The following RYR2 variants were observed in gnomAD, a reference collection of about 807,000 sequenced individuals.
The protein encoded by RYR2 is ryanodine receptor 2.
RYR2 carries 227 observed loss-of-function variants against 601.1 expected under a neutral mutation model. The observed-to-expected ratio is 0.38, with a 90% CI of 0.34 to 0.42. RYR2 has a LOEUF of 0.42. RYR2 is among the 10% of genes least tolerant of loss of function. The pLI is 1.00. For missense variants in RYR2, 4,646 were observed against 6,156.5 expected, an observed-to-expected ratio of 0.75 and a Z score of 8.21; for synonymous variants, 2,223 against 2,175.1, an observed-to-expected ratio of 1.02 and a Z score of -0.61.
chr1:237,393,195 A>G (rs959648671), intron 10 of RYR2, among the ~76,000 whole-genome samples: 3 of 152,134 alleles, frequency 2.0e-5, no homozygotes, highest in African/African-American at 7.2e-5. Flanking sequence ...CTCTTGGCAT[A>G]TGCTTGCTGT....
chr1:237,685,022 C>T (rs761924835), intron 62 of RYR2, among the ~76,000 whole-genome samples: 5 of 151,790 alleles, frequency 3.3e-5, no homozygotes, highest in Non-Finnish European at 5.9e-5. Context: ...GTTGACAGAA[C>T]TCCAAAAAAG....
At position 237,569,469 on chromosome 1, in the gene RYR2, T is replaced by C. The variant is rs553647377; in HGVS notation, c.3598+150T>C. 1.3e-5 allele frequency: 9 copies of C among 684,008 alleles called. No homozygotes were observed. In the South Asian group the frequency reaches 1.7e-4, roughly 13 times the overall value. 42.4% of individuals were successfully genotyped at this position (684,008 alleles called of 1,614,324 possible). ...TGAGGGTGCCTTGTGACTGACTTGA[T>C]CAGATGCCCTTGAAATAACATTATT... On this transcript the variant is annotated intron_variant, in intron 29 of 104. Transcript: ENST00000366574.
At chr1:237,498,899 A>C (rs941868806) in intron 20 of RYR2, among the ~76,000 whole-genome samples, 5 of 152,234 alleles carry the variant, frequency 3.3e-5, no homozygotes, top group African/African-American at 1.2e-4. Flanking sequence ...AATACGTATC[A>C]TATCAGGCCT....
chr1:237,239,195 C>T (rs1368593717), intron 1 of RYR2, among the ~76,000 whole-genome samples: 1 of 151,972 alleles, frequency 6.6e-6, no homozygotes, highest in East Asian at 1.9e-4. Context: ...GTGGAGTGCC[C>T]AGGCTTTTGA....
intron 88 of RYR2, 71 bp downstream of exon 88, chr1:237,778,841 A>G (rs1400856356): frequency 2.7e-6 from 2 of 738,258 alleles, no homozygotes; most frequent in Non-Finnish European, 4.9e-6. Context: ...CAAATTAAAC[A>G]TGCTTTTTGA....
chr1:237,049,645 GC>G (rs764571778), intron 1 of RYR2, among the ~76,000 whole-genome samples: 1 of 152,140 alleles, frequency 6.6e-6, no homozygotes, highest in African/African-American at 2.4e-5. Context: ...TGGATTACAG[GC>G]CCTGAAAGCT....
At chr1:237,145,024 C>T (rs1018081718) in intron 1 of RYR2, among the ~76,000 whole-genome samples, 6 of 150,572 alleles carry the variant, frequency 4.0e-5, no homozygotes, top group Admixed American at 6.6e-5. Context: ...ACAATGAGAA[C>T]GCATGGACAC....
At position 237,072,615 on chromosome 1, in the gene RYR2, T is replaced by C. The variant is rs181452225; in HGVS notation, c.48+30046T>C. Among the ~76,000 whole-genome samples, 14 of 152,266 alleles carry C rather than the reference T, an allele frequency of 9.2e-5. No individual in the cohort carries two copies. The East Asian group carries it at 2.3e-3, about 25-fold the overall frequency. On this transcript the variant is annotated intron_variant, in intron 1 of 104. Coordinates refer to ENST00000366574, the MANE Select transcript of RYR2 (RefSeq NM_001035.3). ...CACATAAAATGGATTTGGAAACTCG[T>C]ATTTAATCTTAAAAAAAATCTTTTA...
chr1:237,784,695 C>T lies in RYR2; in HGVS notation c.12983C>T (p.Ala4328Val), dbSNP rs752684165. 3.1e-6 allele frequency: 5 copies of T among 1,609,944 alleles called. No homozygotes were observed. Among genetic ancestry groups the T allele is most frequent in the Non-Finnish European group, 4.2e-6 (5 of 1,177,414 alleles). Reference protein sequence around the residue: ...LVEGAKKIKVAELLANMPDPT... With the variant: ...LVEGAKKIKVVELLANMPDPT... ...GAAGGTGCTAAAAAGATCAAAGTTG[C>T]AGAACTGTTAGCCAACATGCCAGAC... The change falls in exon 90 of 105, where the codon GCA becomes GTA. Residue 4328 changes from alanine (A) to valine (V), a missense_variant. This residue lies in a region of RYR2 where 364 missense variants were observed against 442.9 expected (regional missense o/e 0.82). Coordinates refer to ENST00000366574, the MANE Select transcript of RYR2 (RefSeq NM_001035.3). This position sits in a 1 kb window ranked among gnomAD's most constrained non-coding sequence, Gnocchi z 7.1.
chr1:237,511,889 T>G (rs886706340), intron 24 of RYR2, 98 bp downstream of exon 24: 33 of 755,144 alleles, frequency 4.4e-5, no homozygotes, highest in Non-Finnish European at 6.2e-5. Context: ...TTAATTGAGC[T>G]GTGAAGTGAT....
intron 1 of RYR2, among the ~76,000 whole-genome samples, chr1:237,057,608 TC>T (rs1171482290): frequency 6.6e-6 from 1 of 152,032 alleles, no homozygotes; most frequent in African/African-American, 2.4e-5. Context: ...ATATAGACAA[TC>T]TTTTCACCCC....
At chr1:237,772,676 A>T (rs895013668) in intron 86 of RYR2, among the ~76,000 whole-genome samples, 1 of 152,148 alleles carries the variant, frequency 6.6e-6, no homozygotes, top group Non-Finnish European at 1.5e-5. Context: ...CATTTTATTT[A>T]TAAGCTAAAC....
chr1:237,738,307 C>T (rs10925501), intron 79 of RYR2, among the ~76,000 whole-genome samples: 71,766 of 152,030 alleles, frequency 0.47, 17,769 homozygotes, highest in East Asian at 0.66. Flanking sequence ...TACACAGTCA[C>T]TGTTAGTCCA....
At chr1:237,573,492 G>T (rs187008197) in intron 29 of RYR2, among the ~76,000 whole-genome samples, 2 of 149,772 alleles carry the variant, frequency 1.3e-5, no homozygotes, top group Non-Finnish European at 3.0e-5. Context: ...TTAAATCCAG[G>T]GGGGAGCTAT....
chr1:237,720,936 A>G (rs1689670289), intron 73 of RYR2, among the ~76,000 whole-genome samples: 1 of 152,240 alleles, frequency 6.6e-6, no homozygotes, highest in South Asian at 2.1e-4. Flanking sequence ...AAAAGGAAAC[A>G]TTGATTGTCC....
chr1:237,548,412 C>T lies in RYR2; in HGVS notation c.2907-19C>T, dbSNP rs549409624. Reference sequence around the variant, plus strand: ...GAAAAGGCCAATTATACACAAATTTCTTTGTCTCTGATTTGTAGTTACCAG... The same window carrying T: ...GAAAAGGCCAATTATACACAAATTTTTTTGTCTCTGATTTGTAGTTACCAG... On this transcript the variant is annotated intron_variant, in intron 25 of 104. Transcript: ENST00000366574. 177 of 1,610,856 alleles carry T rather than the reference C, an allele frequency of 1.1e-4. 3 individuals are homozygous for T. In the South Asian group the frequency reaches 1.7e-3, roughly 16 times the overall value.
At chr1:237,126,387 G>A (rs929133406) in intron 1 of RYR2, among the ~76,000 whole-genome samples, 15 of 152,154 alleles carry the variant, frequency 9.9e-5, no homozygotes, top group African/African-American at 3.4e-4. Context: ...CGTCTACTGG[G>A]GCTGCCCCCA....
At chr1:237,045,016 A>G (rs1660403024) in intron 1 of RYR2, among the ~76,000 whole-genome samples, 2 of 151,580 alleles carry the variant, frequency 1.3e-5, no homozygotes, top group South Asian at 4.2e-4. Context: ...ACATCTTGAT[A>G]AAACAGTTGT....
chr1:237,122,083 A>G (rs1670846008), intron 1 of RYR2, among the ~76,000 whole-genome samples: 1 of 152,210 alleles, frequency 6.6e-6, no homozygotes, highest in African/African-American at 2.4e-5. Context: ...AGGACCATAG[A>G]TAATAGGCTT....
Sources: gnomAD v4.1 joint callset for allele counts (sites outside exome capture counted in the v4.1 genomes callset) on GRCh38, gnomAD v4.1.1 for gene constraint, gnomAD v4.1.1 regional missense constraint, Gnocchi (gnomAD v3.1) non-coding constraint, MANE v1.5 for transcripts, NCBI Gene and HGNC (gene_info 2026-07-23, HGNC 2026-07-21) for gene names.